Variants in DENND1B observed in about 807,000 individuals in gnomAD.
DENND1B encodes the protein DENN domain containing 1B.
A neutral mutation model predicts 90.1 loss-of-function variants in DENND1B; 59 were observed. That is an observed-to-expected ratio of 0.65 (90% CI 0.53 to 0.81). The LOEUF (loss-of-function observed/expected upper bound fraction) is 0.81. Ranked by LOEUF, DENND1B falls within the 40% of genes least tolerant of loss-of-function variation. The pLI, the probability that DENND1B is intolerant of heterozygous loss-of-function variation, is 0.00. For missense variants in DENND1B, 862 were observed against 912.6 expected (o/e 0.94, Z 0.71); for synonymous variants, 337 against 324.6 (o/e 1.04, Z -0.41).
intron 15 of DENND1B, among the ~76,000 whole-genome samples, chr1:197,579,696 T>G (rs944563406): frequency 1.2e-4 from 18 of 152,218 alleles, no homozygotes; most frequent in Non-Finnish European, 5.9e-5. Flanking sequence ...ATCAACTTCC[T>G]ATATTTTCCA....
chr1:197,563,451 C>T (rs188558887), intron 15 of DENND1B, among the ~76,000 whole-genome samples: 151 of 151,978 alleles, frequency 9.9e-4, no homozygotes, highest in Non-Finnish European at 4.6e-4. Flanking sequence ...AATACAAAGC[C>T]CAGATGACAA....
intron 2 of DENND1B, chr1:197,734,275 C>A: frequency 1.1e-6 from 1 of 927,568 alleles, no homozygotes; most frequent in Non-Finnish European, 1.3e-6. Context: ...AATTTTTTAA[C>A]CTGTAAAAAG....
chr1:197,585,734 AAAAT>A (rs1213569041), intron 14 of DENND1B, among the ~76,000 whole-genome samples: 1 of 152,256 alleles, frequency 6.6e-6, no homozygotes, highest in Non-Finnish European at 1.5e-5. Context: ...CTCAAGGAGA[AAAAT>A]AAGTCTTTAT....
chr1:197,604,457 G>C (rs1056562872), intron 13 of DENND1B, among the ~76,000 whole-genome samples: 1 of 151,116 alleles, frequency 6.6e-6, no homozygotes, highest in Non-Finnish European at 1.5e-5. Context: ...GAAGATTACA[G>C]CATGCAACAC....
intron 2 of DENND1B, chr1:197,734,443 C>T: frequency 1.0e-6 from 1 of 984,488 alleles, no homozygotes; most frequent in Non-Finnish European, 1.2e-6. Context: ...CCAATAGCAA[C>T]AACAAATATT....
Position 197,775,469 on chromosome 1 carries a change from G to A in DENND1B, c.-314C>T, listed in dbSNP as rs1657205094. On this transcript the variant is annotated 5_prime_UTR_variant, in exon 1 of 23. Transcript: ENST00000620048. ...ACCGGGGCCGCCCGCTGCGGCTCCT[G>A]CACCTTCTTGCAAATCAGGAAGTCG... 4.0e-6 allele frequency: 1 copy of A among 247,472 alleles called. No homozygotes were observed. Among genetic ancestry groups the A allele is most frequent in the Admixed American group, 5.6e-5 (1 of 17,926 alleles). The allele number at this position is 247,472 out of a possible 1,614,324, so 15.3% of individuals were successfully genotyped here.
intron 16 of DENND1B, chr1:197,552,430 TATTA>T: frequency 1.0e-6 from 1 of 985,468 alleles, no homozygotes; most frequent in South Asian, 4.7e-5. Flanking sequence ...GTTTGTAAAT[TATTA>T]ATTGCCTAGA....
chr1:197,647,984 A>C (rs1680885288), intron 7 of DENND1B, among the ~76,000 whole-genome samples: 1 of 151,976 alleles, frequency 6.6e-6, no homozygotes. Context: ...ACTTTAAAAT[A>C]GGTATACAAG....
intron 3 of DENND1B, among the ~76,000 whole-genome samples, chr1:197,691,293 A>G (rs1657851411): frequency 6.6e-6 from 1 of 151,818 alleles, no homozygotes; most frequent in Non-Finnish European, 1.5e-5. Context: ...TCAAAAATTG[A>G]TCAAAGGACT....
intron 1 of DENND1B, 61 bp from the exon 2 acceptor site, chr1:197,772,993 A>G (rs1241604329): frequency 1.3e-5 from 17 of 1,328,432 alleles, no homozygotes; most frequent in South Asian, 2.5e-5. Context: ...TGAAACTTGT[A>G]TTTTCTTAAT....
In DENND1B at chr1:197,583,171, T is replaced by TAAC; in HGVS notation, c.1129_1130insGTT (p.Asn377delinsSerTyr). 4 of 1,613,600 alleles carry TAAC rather than the reference T, an allele frequency of 2.5e-6. No homozygotes were observed. Among genetic ancestry groups the TAAC allele is most frequent in the Non-Finnish European group, 3.4e-6 (4 of 1,179,730 alleles). On this transcript the variant is annotated protein_altering_variant, in exon 15 of 23. Coordinates refer to ENST00000620048, the MANE Select transcript of DENND1B (RefSeq NM_001195215.2). The stretch of plus-strand genomic sequence containing the variant: ...TCTTACCTGCTTAAAAAGCTGGAGG[T>TAAC]TAATGGCAGTTTCCAGGAACTGTTT...
At chr1:197,691,963 T>A (rs1178580072) in intron 3 of DENND1B, among the ~76,000 whole-genome samples, 1 of 151,688 alleles carries the variant, frequency 6.6e-6, no homozygotes, top group Non-Finnish European at 1.5e-5. Flanking sequence ...GGTCCGTGAG[T>A]AGAGAGAAAT....
At chr1:197,691,328 T>C (rs1207293750) in intron 3 of DENND1B, among the ~76,000 whole-genome samples, 1 of 150,166 alleles carries the variant, frequency 6.7e-6, no homozygotes, top group Non-Finnish European at 1.5e-5. Context: ...TCCAAAGAAG[T>C]CATACGAATG....
At chr1:197,735,992 G>A (rs928269734) in intron 2 of DENND1B, 7 of 1,124,122 alleles carry the variant, frequency 6.2e-6, no homozygotes, top group Admixed American at 6.0e-5. Context: ...AAAAGGCTAA[G>A]CAAAGTATCT....
At position 197,706,820 on chromosome 1, in the gene DENND1B, T is replaced by C. The variant is rs528960347; in HGVS notation, c.126+8211A>G. 2.5e-4 allele frequency among the ~76,000 whole-genome samples: 38 copies of C among 152,230 alleles called. No homozygotes were observed. In the South Asian group the frequency reaches 7.9e-3, roughly 32 times the overall value. ...AGAGAAAGGGGAACTCCACACACTG[T>C]TGGTGGGAATGTAAATTAGCATAGC... On this transcript the variant is annotated intron_variant, in intron 3 of 22. Transcript: ENST00000620048.
At chr1:197,560,187 T>C (rs2125701407) in intron 15 of DENND1B, among the ~76,000 whole-genome samples, 1 of 152,066 alleles carries the variant, frequency 6.6e-6, no homozygotes, top group Admixed American at 6.6e-5. Context: ...GAATTTAGTC[T>C]GCTGAACCTT....
At chr1:197,627,050 CAA>C (rs1314958848) in intron 10 of DENND1B, among the ~76,000 whole-genome samples, 2 of 151,884 alleles carry the variant, frequency 1.3e-5, no homozygotes, top group East Asian at 1.9e-4. Context: ...CTTACCAAAC[CAA>C]AAGAGTCCAG....
intron 2 of DENND1B, among the ~76,000 whole-genome samples, chr1:197,768,074 A>G (rs1279279309): frequency 6.6e-6 from 1 of 152,214 alleles, no homozygotes; most frequent in African/African-American, 2.4e-5. Context: ...CATGAAAAAT[A>G]TCCAGAATTT....
intron 10 of DENND1B, among the ~76,000 whole-genome samples, chr1:197,630,010 C>T (rs1488038049): frequency 1.3e-5 from 2 of 151,968 alleles, no homozygotes; most frequent in Admixed American, 6.6e-5. Flanking sequence ...GATACCACTA[C>T]GCACCTATTA....
Sources: allele counts gnomAD v4.1 joint callset (sites outside exome capture counted in the v4.1 genomes callset), GRCh38; gene constraint gnomAD v4.1.1; transcripts MANE v1.5; gene names NCBI Gene and HGNC (gene_info 2026-07-23, HGNC 2026-07-21).